The following ZNF518A variants were observed in gnomAD, a reference collection of about 807,000 sequenced individuals.
The protein encoded by ZNF518A is zinc finger protein 518.
In ZNF518A, 47 loss-of-function variants were observed where a neutral mutation model predicts 102.7. That is an observed-to-expected ratio of 0.46 (90% CI 0.36 to 0.58). The LOEUF (loss-of-function observed/expected upper bound fraction) is 0.58. ZNF518A is among the 20% of genes least tolerant of loss of function. The probability of loss-of-function intolerance (pLI) is 0.00; values close to 1 mark genes in which losing one functional copy is unlikely to be tolerated. For synonymous variants in ZNF518A, 652 were observed against 594.6 expected (o/e 1.10, Z -1.40); for missense variants, 1,793 against 1,699.8 (o/e 1.05, Z -0.96).
In ZNF518A at chr10:96,159,689, G is replaced by C; in HGVS notation, c.3367G>C (p.Val1123Leu). 1.2e-6 allele frequency: 2 copies of C among 1,613,246 alleles called. No individual in the cohort carries two copies. The highest frequency in any genetic ancestry group is 1.6e-4 in the Middle Eastern group (1 of 6,062). Residue 1123 changes from valine to leucine, a missense_variant, in exon 6 of 6, where the codon GTC (valine) becomes CTC (leucine). Coordinates refer to ENST00000316045, the MANE Select transcript of ZNF518A (RefSeq NM_001330736.2). The part of the protein sequence containing the change: ...NKTELLKPKL[V>L]QNSTYQNIQP... ...AACTGAGCTGCTTAAGCCCAAATTA[G>C]TCCAAAATAGTACTTATCAAAATAT...
intron 1 of ZNF518A, among the ~76,000 whole-genome samples, chr10:96,176,132 T>TG (rs2083203471): frequency 6.6e-6 from 1 of 152,084 alleles, no homozygotes; most frequent in African/African-American, 2.4e-5. Flanking sequence ...ACAGGGTCTA[T>TG]GTTGCCCAGG....
At chr10:96,181,929 G>T (rs2083242686) in intron 1 of ZNF518A, among the ~76,000 whole-genome samples, 1 of 152,156 alleles carries the variant, frequency 6.6e-6, no homozygotes, top group African/African-American at 2.4e-5. Flanking sequence ...ACCTTGGGTA[G>T]TATGGCCATT....
In ZNF518A at chr10:96,156,977, G is replaced by T; in HGVS notation, c.655G>T (p.Val219Phe). 6.2e-7 allele frequency: 1 copy of T among 1,613,870 alleles called. No homozygotes were observed. The highest frequency in any genetic ancestry group is 8.5e-7 in the Non-Finnish European group (1 of 1,179,800). ...AAAGTGTAAGTTCTCCACCCAGGAT[G>T]TTGGCACATTTGTTCAGCACATTCA... Reference protein sequence around the residue: ...CEKCKFSTQDVGTFVQHIHRH... With the variant: ...CEKCKFSTQDFGTFVQHIHRH... The change falls in exon 6 of 6, where the codon GTT (valine) becomes TTT (phenylalanine). Residue 219 changes from valine to phenylalanine, a missense_variant. By Grantham distance (50) the Val-to-Phe change is conservative. Transcript: ENST00000316045.
chr10:96,152,059 C>G (rs1434149896), intron 3 of ZNF518A, among the ~76,000 whole-genome samples: 10 of 152,222 alleles, frequency 6.6e-5, no homozygotes, highest in Non-Finnish European at 1.3e-4. Context: ...CACCTATAAT[C>G]TCAACACTTT....
At chr10:96,183,015 A>G (rs782318698) in intron 1 of ZNF518A, among the ~76,000 whole-genome samples, 2 of 152,146 alleles carry the variant, frequency 1.3e-5, no homozygotes, top group African/African-American at 4.8e-5. Context: ...TTATTTGTCT[A>G]TTCAGGGATT....
At position 96,160,685 on chromosome 10, in the gene ZNF518A, G is replaced by A. The variant is rs368191808; in HGVS notation, c.4363G>A (p.Gly1455Ser). ...GGCTAAATTTAACTGTTGGTTTTGTGGTAGAGTATTTGACAATCAGGATAC... is the reference window on the plus strand; with the variant it reads ...GGCTAAATTTAACTGTTGGTTTTGTAGTAGAGTATTTGACAATCAGGATAC... ...LKAKFNCWFCGRVFDNQDTWA... is the reference protein window; with the variant it reads ...LKAKFNCWFCSRVFDNQDTWA... The change falls in exon 6 of 6, where the codon GGT becomes AGT. Residue 1455 changes from glycine (G) to serine (S), a missense_variant. Gly to Ser is a moderately conservative substitution (Grantham distance 56). Transcript: ENST00000316045. 6.2e-6 allele frequency: 10 copies of A among 1,612,770 alleles called. No individual in the cohort carries two copies. The African/African-American group carries it at 1.1e-4, about 17-fold the overall frequency.
intron 3 of ZNF518A, among the ~76,000 whole-genome samples, chr10:96,154,612 C>G (rs907438667): frequency 6.6e-6 from 1 of 152,146 alleles, no homozygotes; most frequent in Admixed American, 6.5e-5. Context: ...TAAGCCCCAT[C>G]TTAGTTTAAG....
rs587763666 is a variant in ZNF518A at position 96,157,980 on chromosome 10, T to G, written c.1658T>G (p.Leu553Trp). The G allele has an allele frequency of 6.2e-7, 1 of 1,613,820 alleles. No homozygotes were observed. The highest frequency in any genetic ancestry group is 2.2e-5 in the East Asian group (1 of 44,876). ...GATTATGAGAAAAGTGTATCTTCTT[T>G]GTCAGCAACATCAGAATTGGTTACA... ...TMDYEKSVSS[L>W]SATSELVTAS... Residue 553 changes from leucine to tryptophan, a missense_variant, in exon 6 of 6, where the codon TTG becomes TGG. This residue lies in a region of ZNF518A where 1,741 missense variants were observed against 1,622.6 expected (regional missense o/e 1.07). Coordinates refer to ENST00000316045, the MANE Select transcript of ZNF518A (RefSeq NM_001330736.2).
downstream of ZNF518A, among the ~76,000 whole-genome samples, chr10:96,168,076 C>T (rs996904199): frequency 2.7e-4 from 41 of 152,270 alleles, no homozygotes; most frequent in East Asian, 1.3e-3. Flanking sequence ...TTTATAATTA[C>T]GCAGTTTTAA....
downstream of ZNF518A, chr10:96,204,869 A>G (rs111556528): frequency 2.5e-3 from 1,112 of 445,776 alleles, 10 homozygotes; most frequent in African/African-American, 0.02. Flanking sequence ...GGCAATGTAC[A>G]TAGAGACTGA....
Position 96,157,729 on chromosome 10 carries a change from A to G in ZNF518A, c.1407A>G (p.Ser469=). ...KLVPIKQNVC[S]PGSQSGAAKD... is the part of the protein sequence containing the mutation. The stretch of plus-strand genomic sequence containing the variant: ...TGCCTATCAAACAAAATGTATGTTC[A>G]CCAGGCTCACAGTCAGGTGCTGCAA... The change falls in exon 6 of 6, where the codon TCA becomes TCG. Residue 469 remains serine (S), a synonymous_variant. Coordinates refer to ENST00000316045, the MANE Select transcript of ZNF518A (RefSeq NM_001330736.2). 1 of 1,613,908 alleles carries G rather than the reference A, an allele frequency of 6.2e-7. No individual in the cohort carries two copies. The highest frequency in any genetic ancestry group is 8.5e-7 in the Non-Finnish European group (1 of 1,179,796).
rs782391053 is a variant in ZNF518A, at chr10:96,156,288, A to C, written c.-35A>C. On this transcript the variant is annotated 5_prime_UTR_variant, in exon 6 of 6. Coordinates refer to ENST00000316045, the MANE Select transcript of ZNF518A (RefSeq NM_001330736.2). ...ATTACAGATAACTTCAAGAGTTTTC[A>C]GAAAAAAAGAAATTGGGACTTTTTT... 2.0e-6 allele frequency: 3 copies of C among 1,527,528 alleles called. No homozygotes were observed. The highest frequency in any genetic ancestry group is 2.8e-5 in the African/African-American group (2 of 71,794). The allele number at this position is 1,527,528 out of a possible 1,614,324, so 94.6% of individuals were successfully genotyped here. A position where few individuals can be genotyped will look rare whatever the true frequency, so the allele number is the denominator to read the frequency against.
chr10:96,159,642 T>A lies in ZNF518A; in HGVS notation c.3320T>A (p.Leu1107Ter), dbSNP rs782169664. Residue 1107 changes from leucine to a stop codon, truncating the protein, a stop_gained, in exon 6 of 6, where the codon TTA becomes TAA. Transcript: ENST00000316045. LOFTEE classifies it high-confidence loss of function. ...FLPDGKQAVF[L>*]KCVMPNKTEL... is the part of the protein sequence containing the mutation. ...CCTGATGGCAAACAAGCTGTTTTTT[T>A]AAAGTGTGTGATGCCAAATAAAACT... is the stretch of plus-strand genomic sequence containing the variant. 1.2e-6 allele frequency: 2 copies of A among 1,613,770 alleles called. No individual in the cohort carries two copies. Among genetic ancestry groups the A allele is most frequent in the Non-Finnish European group, 1.7e-6 (2 of 1,179,792 alleles).
intron 3 of ZNF518A, among the ~76,000 whole-genome samples, chr10:96,134,445 G>GCT (rs1173632344): frequency 6.6e-6 from 1 of 152,134 alleles, no homozygotes; most frequent in Non-Finnish European, 1.5e-5. Context: ...TGTTGGCCAG[G>GCT]CTGGTCTAGA....
At chr10:96,146,902 A>G (rs1328065215) in intron 3 of ZNF518A, among the ~76,000 whole-genome samples, 4 of 152,236 alleles carry the variant, frequency 2.6e-5, no homozygotes, top group Non-Finnish European at 5.9e-5. Context: ...GAAGGCTCCC[A>G]GGAGAAGTTA....
rs71034364 is a variant in ZNF518A, at chr10:96,194,768, A to ATTTTTTTTTTTTT, written n.36-8798_36-8786dup. On this transcript the variant is annotated intron_variant and non_coding_transcript_variant, in intron 1 of 2. Coordinates refer to the ZNF518A transcript ENST00000442635. ...ATCACTAATCATCAGAGAAATGCAA[A>ATTTTTTTTTTTTT]TTTTTTTTTTTTTTTTTTTTGAGAC... is the stretch of plus-strand genomic sequence containing the variant. 2.9e-3 allele frequency among the ~76,000 whole-genome samples: 315 copies of ATTTTTTTTTTTTT among 110,248 alleles called. 13 individuals are homozygous for ATTTTTTTTTTTTT. The highest frequency in any genetic ancestry group is 9.1e-3 in the African/African-American group (284 of 31,292). The allele number at this position is 110,248 out of a possible 152,430, so 72.3% of individuals were successfully genotyped here. A position where few individuals can be genotyped will look rare whatever the true frequency, so the allele number is the denominator to read the frequency against.
intron 1 of ZNF518A, among the ~76,000 whole-genome samples, chr10:96,132,384 A>G (rs1554872321): frequency 6.6e-6 from 1 of 151,744 alleles, no homozygotes; most frequent in Non-Finnish European, 1.5e-5. Flanking sequence ...AGTTAGATTG[A>G]TTCTAAGCTT....
At chr10:96,179,421 A>G (rs1365889918) in intron 1 of ZNF518A, among the ~76,000 whole-genome samples, 6 of 152,236 alleles carry the variant, frequency 3.9e-5, no homozygotes, top group Non-Finnish European at 8.8e-5. Flanking sequence ...AAGCCACAAT[A>G]AGATACTACT....
chr10:96,130,776 C>G (rs1435815377), intron 1 of ZNF518A, 24 bp downstream of exon 1: 2 of 152,408 alleles, frequency 1.3e-5, no homozygotes, highest in East Asian at 1.9e-4. Context: ...CAGACCCTAA[C>G]CACACCCAGT....
Sources: gnomAD v4.1 joint callset for allele counts (sites outside exome capture counted in the v4.1 genomes callset) on GRCh38, gnomAD v4.1.1 for gene constraint, gnomAD v4.1.1 regional missense constraint, MANE v1.5 for transcripts, NCBI Gene and HGNC (gene_info 2026-07-23, HGNC 2026-07-21) for gene names.